PIK3R1: variants seen among roughly 807,000 people sequenced by gnomAD.
PIK3R1 encodes the protein phosphatidylinositol 3-kinase regulatory subunit alpha.
A neutral mutation model predicts 98.0 loss-of-function variants in PIK3R1; 29 were observed. That is an observed-to-expected ratio of 0.30 (90% confidence interval 0.22 to 0.40). The LOEUF (loss-of-function observed/expected upper bound fraction) is 0.40, where lower values mean the gene tolerates loss of function less well. Among genes scored for constraint, PIK3R1 ranks in the 10% least tolerant of loss-of-function variants. The pLI, the probability that PIK3R1 is intolerant of heterozygous loss-of-function variation, is 1.00. For missense variants in PIK3R1, 596 were observed against 872.7 expected, an observed-to-expected ratio of 0.68 and a Z score of 3.99; for synonymous variants, 282 against 311.8, an observed-to-expected ratio of 0.90 and a Z score of 1.01.
chr5:68,235,790 CTGTTTAACTAT>C (rs1744641649), intron 2 of PIK3R1, among the ~76,000 whole-genome samples: 1 of 152,062 alleles, frequency 6.6e-6, no homozygotes, highest in South Asian at 2.1e-4. Context: ...CCCTGTGGGT[CTGTTTAACTAT>C]TGAAAATGTC....
intron 1 of PIK3R1, among the ~76,000 whole-genome samples, chr5:68,223,286 G>A (rs2111948314): frequency 6.6e-6 from 1 of 152,134 alleles, no homozygotes; most frequent in South Asian, 2.1e-4. Context: ...GAGTAGGGGT[G>A]GCTGCCTTCT....
chr5:68,223,850 G>A (rs1722862381), intron 1 of PIK3R1, among the ~76,000 whole-genome samples: 1 of 152,204 alleles, frequency 6.6e-6, no homozygotes, highest in African/African-American at 2.4e-5. Flanking sequence ...GAGCCCCCTG[G>A]CAAGGAACAG....
At chr5:68,262,462 A>C (rs1157596303) in intron 2 of PIK3R1, among the ~76,000 whole-genome samples, 2 of 146,820 alleles carry the variant, frequency 1.4e-5, no homozygotes, top group African/African-American at 2.5e-5. Context: ...ACATATATAT[A>C]TCTATATATG....
intron 7 of PIK3R1, among the ~76,000 whole-genome samples, chr5:68,281,553 A>G (rs1055719590): frequency 6.6e-6 from 1 of 152,214 alleles, no homozygotes; most frequent in African/African-American, 2.4e-5. Flanking sequence ...AAAGCAGGAA[A>G]TGTAGACCAT....
chr5:68,236,738 T>C (rs1324702003), intron 2 of PIK3R1, among the ~76,000 whole-genome samples: 3 of 152,200 alleles, frequency 2.0e-5, no homozygotes, highest in Non-Finnish European at 4.4e-5. Context: ...GAATTTTGCT[T>C]TTTGGGTGGT....
rs1561308637 is a variant in PIK3R1 at position 68,301,444 on chromosome 5, ATATATATATATGTG to A, written c.*3857_*3870del. 3.6e-5 allele frequency: 4 copies of A among 112,464 alleles called. No individual in the cohort carries two copies. Among genetic ancestry groups the A allele is most frequent in the African/African-American group, 1.5e-4 (4 of 26,078 alleles). The allele number at this position is 112,464 out of a possible 1,614,324, so 7.0% of individuals were successfully genotyped here. Reference sequence around the variant, plus strand: ...TATATATATATATATGTGTGTGTATATATATATATATGTGTATATATATATGTATATACATATAT... The same window carrying A: ...TATATATATATATATGTGTGTGTATATATATATATATGTATATACATATAT... On this transcript the variant is annotated 3_prime_UTR_variant, in exon 16 of 16. Coordinates refer to ENST00000521381, the MANE Select transcript of PIK3R1 (RefSeq NM_181523.3).
At chr5:68,278,716 T>G (rs934028734) in intron 4 of PIK3R1, among the ~76,000 whole-genome samples, 2 of 151,836 alleles carry the variant, frequency 1.3e-5, no homozygotes, top group Non-Finnish European at 2.9e-5. Flanking sequence ...CTGAGGCGGG[T>G]GGATCACGAG....
intron 2 of PIK3R1, among the ~76,000 whole-genome samples, chr5:68,256,973 C>G (rs1250773158): frequency 6.6e-6 from 1 of 152,020 alleles, no homozygotes; most frequent in Admixed American, 6.5e-5. Context: ...TGTGGCCACT[C>G]CAGGGAGAGG....
At position 68,226,490 on chromosome 5, in the gene PIK3R1, G is replaced by T; in HGVS notation, c.-186G>T. The T allele has an allele frequency of 1.8e-6, 1 of 565,592 alleles. No individual in the cohort carries two copies. Among genetic ancestry groups the T allele is most frequent in the Non-Finnish European group, 3.1e-6 (1 of 320,304 alleles). The allele number at this position is 565,592 out of a possible 1,614,324, so 35.0% of individuals were successfully genotyped here. ...GTCTTCGGTCACACCATTGATGGAGGACAGATGGACAGCCGTATGGCCAGT... is the reference window on the plus strand; with the variant it reads ...GTCTTCGGTCACACCATTGATGGAGTACAGATGGACAGCCGTATGGCCAGT... On this transcript the variant is annotated 5_prime_UTR_variant, in exon 2 of 16. Transcript: ENST00000521381.
rs953126846 is a variant in PIK3R1 at position 68,263,193 on chromosome 5, A to G, written c.335-10197A>G. ...TATATATCTATATATACATATATCT[A>G]CATATATATCTATATATATATTTCT... is the stretch of plus-strand genomic sequence containing the variant. On this transcript the variant is annotated intron_variant, in intron 2 of 15. Coordinates refer to ENST00000521381, the MANE Select transcript of PIK3R1 (RefSeq NM_181523.3). Among the ~76,000 whole-genome samples the G allele has an allele frequency of 3.7e-5, 5 of 133,604 alleles. 1 individual carries two copies. The highest frequency in any genetic ancestry group is 8.9e-5 in the African/African-American group (3 of 33,578). The allele number at this position is 133,604 out of a possible 152,430, so 87.6% of individuals were successfully genotyped here.
Position 68,273,918 on chromosome 5 carries a change from G to A in PIK3R1, c.428-21G>A, listed in dbSNP as rs171649. The A allele has an allele frequency of 0.36, 578,662 of 1,597,208 alleles. 109,233 individuals carry two copies. The highest frequency in any genetic ancestry group is 0.38 in the Admixed American group (23,068 of 59,968). ...GAGCTGTGTTTTGCATACATGGTCT[G>A]TGGTCTGTTTTGTGTCCTAGGTCTG... On this transcript the variant is annotated intron_variant, in intron 3 of 15. Transcript: ENST00000521381.
rs554649203 is a variant in PIK3R1, at chr5:68,281,070, G to A, written c.916+64G>A. 2.4e-5 allele frequency: 25 copies of A among 1,054,474 alleles called. No individual in the cohort carries two copies. In the African/African-American group the frequency reaches 3.4e-4, roughly 14 times the overall value. 65.3% of individuals were successfully genotyped at this position (1,054,474 alleles called of 1,614,324 possible). ...ATTTTTTAGAGCCTTAAAAAATGATGGCTATAAACCTCCTTTGAAGTAACA... is the reference window on the plus strand; with the variant it reads ...ATTTTTTAGAGCCTTAAAAAATGATAGCTATAAACCTCCTTTGAAGTAACA... On this transcript the variant is annotated intron_variant, in intron 7 of 15. Transcript: ENST00000521381.
chr5:68,272,957 G>C, intron 2 of PIK3R1, among the ~76,000 whole-genome samples: 1 of 152,194 alleles, frequency 6.6e-6, no homozygotes, highest in South Asian at 2.1e-4. Flanking sequence ...CTAATGACCA[G>C]GAGGAGAGAT....
chr5:68,247,329 TTTTC>T lies in PIK3R1; in HGVS notation c.334+20330_334+20333del, dbSNP rs558356419. Among the ~76,000 whole-genome samples, 68 of 152,320 alleles carry T rather than the reference TTTTC, an allele frequency of 4.5e-4. 1 individual carries two copies. The South Asian group carries it at 0.013, about 30-fold the overall frequency. On this transcript the variant is annotated intron_variant, in intron 2 of 15. Transcript: ENST00000521381. The stretch of plus-strand genomic sequence containing the variant: ...GATTGATTTTGAAAACATTTTTCTT[TTTTC>T]TTTCTTTCTGTCTTTCTGCCTTTCT...
At chr5:68,293,229 G>A (rs2112255506) in intron 9 of PIK3R1, 30 bp downstream of exon 9, 3 of 1,599,784 alleles carry the variant, frequency 1.9e-6, no homozygotes, top group Non-Finnish European at 2.6e-6. Context: ...TGAAATTAGG[G>A]TTTTGGGCTG....
At chr5:68,295,367 T>G (rs777844739) in intron 13 of PIK3R1, 43 bp downstream of exon 13, 1 of 1,611,566 alleles carries the variant, frequency 6.2e-7, no homozygotes, top group Non-Finnish European at 8.5e-7. Context: ...TAATTGGTGA[T>G]TGCTACAATT....
At chr5:68,262,403 T>TATATATATATATATACAC (rs33968242) in intron 2 of PIK3R1, among the ~76,000 whole-genome samples, 1 of 140,616 alleles carries the variant, frequency 7.1e-6, no homozygotes, top group Non-Finnish European at 1.5e-5. Context: ...TATATATATA[T>TATATATATATATATACAC]ACACACACGC....
At position 68,297,411 on chromosome 5, in the gene PIK3R1, G is replaced by T; in HGVS notation, c.1986-1G>T. On this transcript the variant is annotated splice_acceptor_variant, in intron 15 of 15. Coordinates refer to ENST00000521381, the MANE Select transcript of PIK3R1 (RefSeq NM_181523.3). LOFTEE classifies it high-confidence loss of function. The stretch of plus-strand genomic sequence containing the variant: ...GACAGTTTTTCTTCTCTCCTCTCTA[G>T]GGTGGACGGCGAAGTAAAGCATTGT... 6.2e-7 allele frequency: 1 copy of T among 1,612,228 alleles called. No individual in the cohort carries two copies. The highest frequency in any genetic ancestry group is 1.1e-5 in the South Asian group (1 of 90,866).
chr5:68,295,109 G>GT (rs765425452), intron 12 of PIK3R1, 39 bp from the exon 13 acceptor site: 1 of 1,572,828 alleles, frequency 6.4e-7, no homozygotes, highest in East Asian at 2.2e-5. Context: ...CGTTCCTGAT[G>GT]TACCCAGATA....
Sources: gnomAD v4.1 joint callset for allele counts (sites outside exome capture counted in the v4.1 genomes callset) on GRCh38, gnomAD v4.1.1 for gene constraint, MANE v1.5 for transcripts, NCBI Gene and HGNC (gene_info 2026-07-23, HGNC 2026-07-21) for gene names.